PUM1: variants seen among roughly 807,000 people sequenced by gnomAD.
PUM1 encodes pumilio homolog 1.
In PUM1, 13 loss-of-function variants were observed where a neutral mutation model predicts 131.8. The ratio of observed to expected loss-of-function variants is 0.10; its 90% CI spans 0.06 to 0.16. The LOEUF (loss-of-function observed/expected upper bound fraction) is 0.16. Ranked by LOEUF, PUM1 falls within the 10% of genes least tolerant of loss-of-function variation. The pLI is 1.00. For synonymous variants in PUM1, 509 were observed against 556.5 expected, an observed-to-expected ratio of 0.91 and a Z score of 1.20; for missense variants, 961 against 1,512.4, an observed-to-expected ratio of 0.64 and a Z score of 6.05.
In PUM1 at chr1:30,990,113, C is replaced by A. The variant is rs1002206693; in HGVS notation, c.1158+2277G>T. 7.9e-5 allele frequency among the ~76,000 whole-genome samples: 12 copies of A among 152,212 alleles called. No homozygotes were observed. In the East Asian group the frequency reaches 1.3e-3, roughly 17 times the overall value. On this transcript the variant is annotated intron_variant, in intron 7 of 21. Transcript: ENST00000426105. ...TAGTTCTCAAAGAGTAGCCTCCAGACCTCCTGAAAGGCTAGTTTCAAATTT... is the reference window on the plus strand; with the variant it reads ...TAGTTCTCAAAGAGTAGCCTCCAGAACTCCTGAAAGGCTAGTTTCAAATTT...
At chr1:31,045,408 G>T (rs544481455) in intron 2 of PUM1, among the ~76,000 whole-genome samples, 151 of 152,148 alleles carry the variant, frequency 9.9e-4, no homozygotes, top group Non-Finnish European at 8.4e-4. Context: ...AAAGTGCTGG[G>T]AATTACAGGC....
chr1:31,011,110 A>G (rs1642596957), intron 3 of PUM1, among the ~76,000 whole-genome samples: 1 of 151,166 alleles, frequency 6.6e-6, no homozygotes, highest in Non-Finnish European at 1.5e-5. Flanking sequence ...GTGAGCTACG[A>G]TTACACTACT....
At chr1:30,956,274 T>G (rs1055720003) in intron 14 of PUM1, among the ~76,000 whole-genome samples, 3 of 151,896 alleles carry the variant, frequency 2.0e-5, no homozygotes, top group Non-Finnish European at 2.9e-5. Context: ...TTGTTTTTTG[T>G]TTTTTTTGAG....
chr1:30,975,356 GTT>G (rs916597920), intron 9 of PUM1, among the ~76,000 whole-genome samples: 1 of 59,656 alleles, frequency 1.7e-5, no homozygotes, highest in Admixed American at 2.1e-4. Context: ...TGTTTTTTTT[GTT>G]TTTTTGTTTT....
chr1:31,049,617 T>G (rs1374745382), intron 2 of PUM1, among the ~76,000 whole-genome samples: 1 of 151,644 alleles, frequency 6.6e-6, no homozygotes, highest in South Asian at 2.1e-4. Context: ...GAGGAAGAGG[T>G]TGCAGTGATC....
At position 31,059,362 on chromosome 1, in the gene PUM1, T is replaced by C. The variant is rs571865162; in HGVS notation, c.205A>G (p.Ile69Val). The C allele has an allele frequency of 2.5e-5, 40 of 1,614,138 alleles. No homozygotes were observed. Among genetic ancestry groups the C allele is most frequent in the East Asian group, 4.5e-5 (2 of 44,876 alleles). ...TCCTGGGAACGGCCTGCAACTCCTA[T>C]AGATCCTGGGACAGGGCTGGAGTGA... ...GTHSSPVPGSIGVAGRSQDDA... is the reference protein window; with the variant it reads ...GTHSSPVPGSVGVAGRSQDDA... Residue 69 changes from isoleucine (I) to valine (V), a missense_variant, in exon 2 of 22, where the codon ATA becomes GTA. Transcript: ENST00000426105.
chr1:31,049,585 C>G (rs1388329976), intron 2 of PUM1, among the ~76,000 whole-genome samples: 1 of 151,572 alleles, frequency 6.6e-6, no homozygotes, highest in Non-Finnish European at 1.5e-5. Context: ...GAGGCTGAAG[C>G]AGGAGAACTG....
At chr1:30,966,641 C>A (rs1047123115) in intron 12 of PUM1, among the ~76,000 whole-genome samples, 1 of 152,128 alleles carries the variant, frequency 6.6e-6, no homozygotes, top group African/African-American at 2.4e-5. Flanking sequence ...CATACACATC[C>A]TTCAAATTCC....
intron 3 of PUM1, among the ~76,000 whole-genome samples, chr1:31,025,017 T>C (rs1272718947): frequency 6.6e-6 from 1 of 152,226 alleles, no homozygotes; most frequent in Non-Finnish European, 1.5e-5. Context: ...TTAAGCCAAA[T>C]GAAAGGGGCT....
chr1:30,964,838 G>A lies in PUM1; in HGVS notation c.2159C>T (p.Thr720Ile). The change falls in exon 14 of 22, where the codon ACA becomes ATA. Residue 720 changes from threonine to isoleucine, a missense_variant. Physicochemically the swap from Thr to Ile is moderately conservative, Grantham distance 89. Transcript: ENST00000426105. ...LTGSSDLYKRTSSSLTPIGHS... is the reference protein window; with the variant it reads ...LTGSSDLYKRISSSLTPIGHS... Reference sequence around the variant, plus strand: ...TCCAATGGGGGTCAAGCTGCTCGATGTCCTCTTATAAAGGTCACTGCTGCC... The same window carrying A: ...TCCAATGGGGGTCAAGCTGCTCGATATCCTCTTATAAAGGTCACTGCTGCC... The A allele has an allele frequency of 6.2e-7, 1 of 1,614,124 alleles. No individual in the cohort carries two copies. The highest frequency in any genetic ancestry group is 8.5e-7 in the Non-Finnish European group (1 of 1,180,022).
chr1:30,980,211 A>C (rs765429951), intron 8 of PUM1, 48 bp from the exon 9 acceptor site: 10 of 1,440,660 alleles, frequency 6.9e-6, no homozygotes, highest in Middle Eastern at 1.7e-4. Flanking sequence ...CTAAAACTGC[A>C]GCCCTATCAA....
chr1:30,995,258 C>G, intron 5 of PUM1, 38 bp from the exon 6 acceptor site: 1 of 1,610,578 alleles, frequency 6.2e-7, no homozygotes, highest in Non-Finnish European at 8.5e-7. Context: ...TAATCGTCAT[C>G]AACTAATAAT....
chr1:31,062,963 C>T (rs1294785627), intron 1 of PUM1, among the ~76,000 whole-genome samples: 4 of 152,184 alleles, frequency 2.6e-5, no homozygotes, highest in Admixed American at 2.0e-4. Context: ...TCCATCAGAA[C>T]CTTAGCAGGG....
rs1640613203 is a variant in PUM1 at position 30,966,220 on chromosome 1, T to C, written c.1848A>G (p.Thr616=). Residue 616 remains threonine, a synonymous_variant, in exon 13 of 22, where the codon ACA becomes ACG. Coordinates refer to ENST00000426105, the MANE Select transcript of PUM1 (RefSeq NM_001020658.2). The part of the protein sequence containing the change: ...NGAAGGLAGT[T]NGPFRPLGTQ... ...TTCCTAAAGGGCGAAATGGTCCATT[T>C]GTTGTTCCAGCAAGACCACCAGCTG... 6.2e-7 allele frequency: 1 copy of C among 1,613,658 alleles called. No homozygotes were observed. The highest frequency in any genetic ancestry group is 8.5e-7 in the Non-Finnish European group (1 of 1,179,608).
At chr1:31,053,460 C>G (rs1644160971) in intron 2 of PUM1, among the ~76,000 whole-genome samples, 1 of 150,656 alleles carries the variant, frequency 6.6e-6, no homozygotes, top group South Asian at 2.1e-4. Flanking sequence ...CCTGTAATCC[C>G]AGCACTTTGG....
intron 2 of PUM1, among the ~76,000 whole-genome samples, chr1:31,042,602 G>C (rs1643857008): frequency 6.6e-6 from 1 of 152,154 alleles, no homozygotes; most frequent in Non-Finnish European, 1.5e-5. Context: ...TATAAGGTTT[G>C]TCTTTTTTTC....
intron 14 of PUM1, among the ~76,000 whole-genome samples, chr1:30,963,357 T>C (rs1283007409): frequency 3.9e-5 from 6 of 152,216 alleles, no homozygotes; most frequent in African/African-American, 9.7e-5. Context: ...CTACCTATTA[T>C]GGACCTACTA....
At chr1:31,027,238 T>C (rs1643257500) in intron 3 of PUM1, among the ~76,000 whole-genome samples, 2 of 152,070 alleles carry the variant, frequency 1.3e-5, no homozygotes, top group Non-Finnish European at 2.9e-5. Flanking sequence ...GAGCCCAAGA[T>C]TAGTCTGGAC....
intron 5 of PUM1, among the ~76,000 whole-genome samples, chr1:30,999,622 A>C (rs1432263724): frequency 6.3e-5 from 9 of 143,638 alleles, no homozygotes; most frequent in African/African-American, 2.2e-4. Context: ...AAAAAAAAAA[A>C]AAAAAAAAAA....
Sources: allele counts gnomAD v4.1 joint callset (sites outside exome capture counted in the v4.1 genomes callset), GRCh38; gene constraint gnomAD v4.1.1; transcripts MANE v1.5; gene names NCBI Gene and HGNC (gene_info 2026-07-23, HGNC 2026-07-21).